The following CNOT2 variants were observed in gnomAD, a reference collection of about 807,000 sequenced individuals.
CNOT2 encodes the protein CC chemokine receptor 4-negative regulator of transcription 2.
A neutral mutation model predicts 72.1 loss-of-function variants in CNOT2; 7 were observed. That is an observed-to-expected ratio of 0.10 (90% CI 0.06 to 0.18). The LOEUF (loss-of-function observed/expected upper bound fraction) is 0.18, where lower values mean the gene tolerates loss of function less well. Among genes scored for constraint, CNOT2 ranks in the 10% least tolerant of loss-of-function variants. The pLI, the probability that CNOT2 is intolerant of heterozygous loss-of-function variation, is 1.00. For synonymous variants in CNOT2, 196 were observed against 225.6 expected, an observed-to-expected ratio of 0.87 and a Z score of 1.17; for missense variants, 345 against 660.3, an observed-to-expected ratio of 0.52 and a Z score of 5.23.
At chr12:70,343,246 G>A (rs1881737628) in intron 13 of CNOT2, among the ~76,000 whole-genome samples, 1 of 152,192 alleles carries the variant, frequency 6.6e-6, no homozygotes, top group Non-Finnish European at 1.5e-5. Flanking sequence ...GCTGCTGCCT[G>A]AATAGGGATA....
At chr12:70,325,638 A>G (rs940326977) in intron 4 of CNOT2, among the ~76,000 whole-genome samples, 1 of 151,886 alleles carries the variant, frequency 6.6e-6, no homozygotes, top group African/African-American at 2.4e-5. Flanking sequence ...AGAAAATTGC[A>G]TAAGGAAATA....
At chr12:70,285,669 T>C (rs1485175593) in intron 2 of CNOT2, 1 of 151,408 alleles carries the variant, frequency 6.6e-6, no homozygotes, top group Admixed American at 6.6e-5. Flanking sequence ...CTAAAACTCG[T>C]GAAACATAAC....
intron 2 of CNOT2, chr12:70,307,628 C>T (rs553844167): frequency 1.8e-4 from 28 of 152,158 alleles, no homozygotes; most frequent in Admixed American, 4.6e-4. Flanking sequence ...CAATGTATTT[C>T]GATATAATTG....
chr12:70,328,813 T>C (rs975068421), intron 4 of CNOT2, among the ~76,000 whole-genome samples: 1 of 151,854 alleles, frequency 6.6e-6, no homozygotes, highest in African/African-American at 2.4e-5. Flanking sequence ...TTGACGTCTT[T>C]TTAAATGTTT....
chr12:70,340,015 C>T (rs371566746), intron 11 of CNOT2, among the ~76,000 whole-genome samples: 25 of 152,172 alleles, frequency 1.6e-4, no homozygotes, highest in African/African-American at 6.0e-4. Context: ...AGAAGAAAAT[C>T]TTCCTTTGAT....
chr12:70,353,262 G>A (rs867578536), intron 15 of CNOT2, among the ~76,000 whole-genome samples: 4 of 151,670 alleles, frequency 2.6e-5, no homozygotes, highest in South Asian at 2.1e-4. Flanking sequence ...TAGTACAGAC[G>A]GGGTTTCACC....
intron 2 of CNOT2, among the ~76,000 whole-genome samples, chr12:70,288,846 G>T (rs1871366513): frequency 6.6e-6 from 1 of 152,104 alleles, no homozygotes; most frequent in Non-Finnish European, 1.5e-5. Flanking sequence ...TTTCTGCTTA[G>T]ACTTCTGTTA....
intron 4 of CNOT2, chr12:70,321,744 A>G (rs1878333847): frequency 1.3e-5 from 2 of 151,756 alleles, no homozygotes; most frequent in South Asian, 2.1e-4. Flanking sequence ...TGGAAGAGAT[A>G]TAGAAGGAAG....
intron 2 of CNOT2, among the ~76,000 whole-genome samples, chr12:70,302,453 C>T (rs1447748311): frequency 6.6e-6 from 1 of 151,692 alleles, no homozygotes. Flanking sequence ...ATCTTTATTT[C>T]TGCCTTCATT....
chr12:70,268,918 C>T lies in CNOT2; in HGVS notation c.-95-9214C>T, dbSNP rs142713057. 7.8e-4 allele frequency among the ~76,000 whole-genome samples: 119 copies of T among 152,270 alleles called. 1 individual carries two copies. The highest frequency in any genetic ancestry group is 7.4e-4 in the Non-Finnish European group (50 of 68,010). On this transcript the variant is annotated intron_variant, in intron 1 of 15. Coordinates refer to ENST00000229195, the MANE Select transcript of CNOT2 (RefSeq NM_014515.7). Reference sequence around the variant, plus strand: ...AAAAAGGATCATACCTGTTTTCAGACTTGTCTTTTTAAACACTTGAGTTGG... The same window carrying T: ...AAAAAGGATCATACCTGTTTTCAGATTTGTCTTTTTAAACACTTGAGTTGG...
At chr12:70,303,536 A>G (rs1331411860) in intron 2 of CNOT2, among the ~76,000 whole-genome samples, 4 of 152,292 alleles carry the variant, frequency 2.6e-5, no homozygotes, top group East Asian at 3.9e-4. Flanking sequence ...AGAATGTTGA[A>G]TATTGGTCCC....
chr12:70,277,661 T>C (rs1467627350), intron 1 of CNOT2, among the ~76,000 whole-genome samples: 1 of 152,218 alleles, frequency 6.6e-6, no homozygotes, highest in Non-Finnish European at 1.5e-5. Flanking sequence ...GGAATAAACC[T>C]ACACAGAATG....
intron 1 of CNOT2, chr12:70,243,882 G>C (rs886780405): frequency 6.6e-6 from 1 of 152,270 alleles, no homozygotes; most frequent in African/African-American, 2.4e-5. Context: ...CCGCCGCGCT[G>C]CTTCCTGGGG....
chr12:70,338,473 A>G lies in CNOT2; in HGVS notation c.931A>G (p.Ser311Gly). Residue 311 changes from serine (S) to glycine (G), a missense_variant, in exon 10 of 16, where the codon AGT becomes GGT. This residue lies in a region of CNOT2 where 128 missense variants were observed against 233.0 expected (regional missense o/e 0.55). Coordinates refer to ENST00000229195, the MANE Select transcript of CNOT2 (RefSeq NM_014515.7). ...NLNTSGKTTS[S>G]TDGPKFPGDK... ...GAATACATCTGGCAAGACAACTTCA[A>G]GTACAGATGGACCCAAATTCCCTGG... 1 of 1,611,448 alleles carries G rather than the reference A, an allele frequency of 6.2e-7. No homozygotes were observed. The highest frequency in any genetic ancestry group is 8.5e-7 in the Non-Finnish European group (1 of 1,179,062).
intron 2 of CNOT2, among the ~76,000 whole-genome samples, chr12:70,294,478 C>A (rs566655815): frequency 1.3e-5 from 2 of 151,882 alleles, no homozygotes; most frequent in African/African-American, 4.8e-5. Context: ...AATTTTAATT[C>A]TTGTTAGATG....
intron 1 of CNOT2, among the ~76,000 whole-genome samples, chr12:70,276,826 C>T (rs920714538): frequency 1.3e-5 from 2 of 151,936 alleles, no homozygotes; most frequent in African/African-American, 4.8e-5. Flanking sequence ...TAAACGTACA[C>T]TGTAAGATAG....
chr12:70,316,486 G>T (rs1414583430), intron 3 of CNOT2, among the ~76,000 whole-genome samples: 1 of 152,038 alleles, frequency 6.6e-6, no homozygotes, highest in Admixed American at 6.6e-5. Flanking sequence ...GGTTCTTAGG[G>T]ATAGACTTTA....
intron 2 of CNOT2, among the ~76,000 whole-genome samples, chr12:70,296,299 G>T (rs1049143749): frequency 2.0e-5 from 3 of 152,104 alleles, no homozygotes; most frequent in Non-Finnish European, 4.4e-5. Flanking sequence ...AATAGTGATT[G>T]TGGAAGTGTT....
At chr12:70,255,704 T>A (rs528785747) in intron 1 of CNOT2, among the ~76,000 whole-genome samples, 1 of 152,312 alleles carries the variant, frequency 6.6e-6, no homozygotes, top group East Asian at 1.9e-4. Context: ...AGCAAAATAC[T>A]TTTTCTTCTA....
Sources: allele counts gnomAD v4.1 joint callset (sites outside exome capture counted in the v4.1 genomes callset), GRCh38; gene constraint gnomAD v4.1.1; regional missense constraint gnomAD v4.1.1; transcripts MANE v1.5; gene names NCBI Gene and HGNC (gene_info 2026-07-23, HGNC 2026-07-21).